The following NTM variants were observed in gnomAD, a reference collection of about 807,000 sequenced individuals.
The protein encoded by NTM is IgLON family member 2.
In NTM, 13 loss-of-function variants were observed where a neutral mutation model predicts 42.1. That is an observed-to-expected ratio of 0.31 (90% CI 0.20 to 0.49). NTM has a LOEUF of 0.49. Among genes scored for constraint, NTM ranks in the 20% least tolerant of loss-of-function variants. The pLI is 0.99. For missense variants in NTM, 373 were observed against 452.8 expected, an observed-to-expected ratio of 0.82 and a Z score of 1.60; for synonymous variants, 187 against 179.2, an observed-to-expected ratio of 1.04 and a Z score of -0.35.
intron 2 of NTM, among the ~76,000 whole-genome samples, chr11:132,082,938 T>A (rs780943591): frequency 6.6e-6 from 1 of 152,202 alleles, no homozygotes; most frequent in South Asian, 2.1e-4. Context: ...CAGGCTCAGA[T>A]AACCGGTGGC....
intron 1 of NTM, among the ~76,000 whole-genome samples, chr11:131,815,279 G>C (rs1161094154): frequency 1.3e-5 from 2 of 152,132 alleles, no homozygotes; most frequent in East Asian, 3.9e-4. Context: ...AGCTTACAAA[G>C]GACTGCCTTC....
Position 132,059,323 on chromosome 11 carries a change from G to A in NTM, c.168-86959G>A, listed in dbSNP as rs149674284. 1.9e-4 allele frequency among the ~76,000 whole-genome samples: 29 copies of A among 152,272 alleles called. No individual in the cohort carries two copies. In the East Asian group the frequency reaches 4.3e-3, roughly 22 times the overall value. ...CTCATGGCCAGCCCAGCTCAGGGCCGCCTCTGAGAGTCTGGCCTCCACAAA... is the reference window on the plus strand; with the variant it reads ...CTCATGGCCAGCCCAGCTCAGGGCCACCTCTGAGAGTCTGGCCTCCACAAA... On this transcript the variant is annotated intron_variant, in intron 2 of 8. Transcript: ENST00000683400.
chr11:132,193,986 CCAAA>C (rs1424078098), intron 3 of NTM, among the ~76,000 whole-genome samples: 1 of 152,026 alleles, frequency 6.6e-6, no homozygotes, highest in Non-Finnish European at 1.5e-5. Context: ...AGCCTACTGA[CCAAA>C]CAAAGACCAG....
rs566464925 is a variant in NTM, at chr11:132,249,259, C to T, written c.526+37112C>T. On this transcript the variant is annotated intron_variant, in intron 4 of 8. Coordinates refer to ENST00000683400, the MANE Select transcript of NTM (RefSeq NM_001352005.2). ...TAAGGCTGAAGGCTAGAAAATAAAT[C>T]GTGTGTGTGTGATGAGAGGGTGTGT... 1.1e-3 allele frequency among the ~76,000 whole-genome samples: 162 copies of T among 152,124 alleles called. 5 individuals are homozygous for T. In the South Asian group the frequency reaches 0.026, roughly 25 times the overall value.
At chr11:131,868,417 T>C (rs1363428498) in intron 1 of NTM, among the ~76,000 whole-genome samples, 1 of 152,164 alleles carries the variant, frequency 6.6e-6, no homozygotes, top group Non-Finnish European at 1.5e-5. Context: ...CTTTCCGCAC[T>C]CCGGCCCTCT....
At chr11:132,163,974 A>G (rs1185030531) in intron 3 of NTM, among the ~76,000 whole-genome samples, 1 of 152,126 alleles carries the variant, frequency 6.6e-6, no homozygotes, top group Non-Finnish European at 1.5e-5. Flanking sequence ...AGATGGGAAA[A>G]CATGAAACTG....
intron 1 of NTM, among the ~76,000 whole-genome samples, chr11:131,399,450 C>A (rs1191340733): frequency 1.3e-5 from 2 of 152,090 alleles, no homozygotes; most frequent in African/African-American, 4.8e-5. Flanking sequence ...TAGGTACAAC[C>A]CCAGTTGCTA....
chr11:131,651,550 A>G (rs993208283), intron 1 of NTM, among the ~76,000 whole-genome samples: 3 of 152,200 alleles, frequency 2.0e-5, no homozygotes, highest in African/African-American at 7.2e-5. Flanking sequence ...GGGGATAAAA[A>G]GATCATAAAG....
chr11:132,141,957 G>A (rs2069248368), intron 2 of NTM, among the ~76,000 whole-genome samples: 1 of 152,184 alleles, frequency 6.6e-6, no homozygotes, highest in African/African-American at 2.4e-5. Flanking sequence ...CTGCAGTGCG[G>A]GGCAACTGGA....
intron 1 of NTM, among the ~76,000 whole-genome samples, chr11:131,861,821 T>C (rs1171523027): frequency 6.6e-6 from 1 of 152,072 alleles, no homozygotes; most frequent in Non-Finnish European, 1.5e-5. Flanking sequence ...GTGCAGAACA[T>C]TGTCATAGGC....
chr11:132,114,936 G>T (rs571304112), intron 2 of NTM, among the ~76,000 whole-genome samples: 1 of 152,198 alleles, frequency 6.6e-6, no homozygotes, highest in Non-Finnish European at 1.5e-5. Context: ...TTGGGATAGT[G>T]ATTTCATTTT....
chr11:131,651,669 G>C (rs941895438), intron 1 of NTM, among the ~76,000 whole-genome samples: 2 of 151,882 alleles, frequency 1.3e-5, no homozygotes, highest in African/African-American at 4.8e-5. Context: ...GTGAAACCCT[G>C]TTTTTTACTA....
At chr11:131,621,083 A>G (rs2062483090) in intron 1 of NTM, among the ~76,000 whole-genome samples, 1 of 152,196 alleles carries the variant, frequency 6.6e-6, no homozygotes, top group Non-Finnish European at 1.5e-5. Context: ...GAGCAGGAAG[A>G]GAATTCAGGG....
chr11:131,500,565 ATATATATATATATTTTTTTT>A (rs2046631291), intron 1 of NTM, among the ~76,000 whole-genome samples: 2 of 26,210 alleles, frequency 7.6e-5, no homozygotes, highest in Admixed American at 3.2e-4. Flanking sequence ...ATATATATAT[ATATATATATATATTTTTTTT>A]TTTTTTTTTT....
intron 1 of NTM, chr11:131,534,720 G>T (rs189229433): frequency 2.0e-5 from 3 of 152,320 alleles, no homozygotes; most frequent in African/African-American, 4.8e-5. Context: ...TCCCTTTTGG[G>T]CACACAGAGC....
chr11:132,125,705 G>T (rs879138080), intron 2 of NTM, among the ~76,000 whole-genome samples: 3 of 66 alleles, frequency 0.045, no homozygotes, highest in African/African-American at 0.056. Flanking sequence ...TGTGAGTGTG[G>T]TGTGTAGTGT....
At chr11:132,316,861 T>TGTTA (rs2095442201) in intron 7 of NTM, among the ~76,000 whole-genome samples, 2 of 152,190 alleles carry the variant, frequency 1.3e-5, no homozygotes, top group South Asian at 4.1e-4. Flanking sequence ...TTTGTTTGTT[T>TGTTA]GTTAGGGAAT....
At chr11:132,014,052 C>A (rs187250877) in intron 2 of NTM, among the ~76,000 whole-genome samples, 1 of 151,942 alleles carries the variant, frequency 6.6e-6, no homozygotes, top group African/African-American at 2.4e-5. Flanking sequence ...TCCTCTCCAC[C>A]CCTTCACAGC....
At chr11:131,779,245 A>C (rs1019788705) in intron 1 of NTM, among the ~76,000 whole-genome samples, 1 of 152,186 alleles carries the variant, frequency 6.6e-6, no homozygotes, top group African/African-American at 2.4e-5. Context: ...CCTGGCTGAC[A>C]CCTTGATTTC....
Sources: allele counts gnomAD v4.1 joint callset (sites outside exome capture counted in the v4.1 genomes callset), GRCh38; gene constraint gnomAD v4.1.1; transcripts MANE v1.5; gene names NCBI Gene and HGNC (gene_info 2026-07-23, HGNC 2026-07-21).